Variants in CABP7 observed in about 807,000 individuals in gnomAD.
The protein encoded by CABP7 is calcium binding protein 7.
In CABP7, 13 loss-of-function variants were observed where a neutral mutation model predicts 23.1. The observed-to-expected ratio is 0.56, with a 90% CI of 0.37 to 0.90. CABP7 has a LOEUF of 0.90. CABP7 is among the 40% of genes least tolerant of loss of function. The pLI is 0.01. For missense variants in CABP7, 248 were observed against 295.6 expected (o/e 0.84, Z 1.18); for synonymous variants, 123 against 115.3 (o/e 1.07, Z -0.43).
At position 29,720,068 on chromosome 22, in the gene CABP7, C is replaced by CG. The variant is rs1283681481; in HGVS notation, c.-356dup. 1.8e-4 allele frequency: 27 copies of CG among 148,908 alleles called. No homozygotes were observed. Among genetic ancestry groups the CG allele is most frequent in the Admixed American group, 1.8e-3 (27 of 14,960 alleles). 9.2% of individuals were successfully genotyped at this position (148,908 alleles called of 1,614,324 possible). Reference sequence around the variant, plus strand: ...CTGAGCGCCGGGCCGGTAGCGGCCGCGCCGGCGAGCGGACTAGCGGGCGGC... The same window carrying CG: ...CTGAGCGCCGGGCCGGTAGCGGCCGCGGCCGGCGAGCGGACTAGCGGGCGGC... On this transcript the variant is annotated 5_prime_UTR_variant, in exon 1 of 5. Transcript: ENST00000216144. This position sits in a 1 kb window ranked among gnomAD's most constrained non-coding sequence, Gnocchi z 5.2.
Position 29,720,608 on chromosome 22 carries a change from CG to C in CABP7, c.109+80del. The C allele has an allele frequency of 2.3e-6, 2 of 872,694 alleles. No homozygotes were observed. Among genetic ancestry groups the C allele is most frequent in the South Asian group, 2.0e-5 (1 of 50,104 alleles). The allele number at this position is 872,694 out of a possible 1,614,324, so 54.1% of individuals were successfully genotyped here. A position where few individuals can be genotyped will look rare whatever the true frequency, so the allele number is the denominator to read the frequency against. On this transcript the variant is annotated intron_variant, in intron 1 of 4. Coordinates refer to ENST00000216144, the MANE Select transcript of CABP7 (RefSeq NM_182527.3). The surrounding 1 kb of genome is among the most constrained non-coding windows in gnomAD (Gnocchi z 5.2). ...CCAGGTGAAGCGCGGGCCAGGGGCG[CG>C]GGGGCGGGGGGCGGGGGGCGGTCCG...
rs1156523588 is a variant in CABP7 at position 29,731,492 on chromosome 22, C to G, written c.*1923C>G. On this transcript the variant is annotated 3_prime_UTR_variant, in exon 5 of 5. Coordinates refer to ENST00000216144, the MANE Select transcript of CABP7 (RefSeq NM_182527.3). ...ATGACTTTTCTGGAAGGCAGAGCCTCGAAAATAGGCAGACCGTTTGAGCCA... is the reference window on the plus strand; with the variant it reads ...ATGACTTTTCTGGAAGGCAGAGCCTGGAAAATAGGCAGACCGTTTGAGCCA... 3 of 1,184,390 alleles carry G rather than the reference C, an allele frequency of 2.5e-6. No individual in the cohort carries two copies. The highest frequency in any genetic ancestry group is 3.4e-6 in the Non-Finnish European group (3 of 882,338). 73.4% of individuals were successfully genotyped at this position (1,184,390 alleles called of 1,614,324 possible). A position where few individuals can be genotyped will look rare whatever the true frequency, so the allele number is the denominator to read the frequency against.
At position 29,731,141 on chromosome 22, in the gene CABP7, G is replaced by T; in HGVS notation, c.*1572G>T. On this transcript the variant is annotated 3_prime_UTR_variant, in exon 5 of 5. Transcript: ENST00000216144. ...GGGCAGATGGTCTCGGAGCCTCCAT[G>T]GGGCGTAGCAGGAACCGGGCTTGGC... 1 of 1,383,036 alleles carries T rather than the reference G, an allele frequency of 7.2e-7. No individual in the cohort carries two copies. The allele number at this position is 1,383,036 out of a possible 1,614,324, so 85.7% of individuals were successfully genotyped here. A position where few individuals can be genotyped will look rare whatever the true frequency, so the allele number is the denominator to read the frequency against.
rs776080938 is a variant in CABP7 at position 29,727,796 on chromosome 22, G to A, written c.244G>A (p.Asp82Asn). 5.0e-6 allele frequency: 8 copies of A among 1,608,432 alleles called. No individual in the cohort carries two copies. The African/African-American group carries it at 8.0e-5, about 16-fold the overall frequency. The part of the protein sequence containing the change: ...VELEVIIQRL[D>N]MDGDGQVDFE... ...GCTGGAGGTCATCATCCAGCGGCTGGACATGGATGGTGAGCACCCCCCCGC... is the reference window on the plus strand; with the variant it reads ...GCTGGAGGTCATCATCCAGCGGCTGAACATGGATGGTGAGCACCCCCCCGC... Residue 82 changes from aspartate to asparagine, a missense_variant, in exon 2 of 5, where the codon GAC becomes AAC. Coordinates refer to ENST00000216144, the MANE Select transcript of CABP7 (RefSeq NM_182527.3). The surrounding 1 kb of genome is among the most constrained non-coding windows in gnomAD (Gnocchi z 4.2).
In CABP7 at chr22:29,729,562, T is replaced by A. The variant is rs565605720; in HGVS notation, c.641T>A (p.Met214Lys). Residue 214 changes from methionine (M) to lysine (K), a missense_variant, in exon 5 of 5, where the codon ATG becomes AAG. By Grantham distance (95) the Met-to-Lys change is moderately conservative. Coordinates refer to ENST00000216144, the MANE Select transcript of CABP7 (RefSeq NM_182527.3). ...IAANQVLRSG[M>K]K is the part of the protein sequence containing the mutation. ...GCCAACCAGGTGCTGCGCAGTGGCA[T>A]GAAGTAGACGCCACCTGGATGCCCC... 64 of 1,610,254 alleles carry A rather than the reference T, an allele frequency of 4.0e-5. No individual in the cohort carries two copies. The East Asian group carries it at 1.2e-3, about 31-fold the overall frequency.
rs2067831576 is a variant in CABP7, at chr22:29,730,492, A to T, written c.*923A>T. 6.6e-6 allele frequency: 1 copy of T among 152,322 alleles called. No individual in the cohort carries two copies. Among genetic ancestry groups the T allele is most frequent in the Non-Finnish European group, 1.5e-5 (1 of 68,104 alleles). The allele number at this position is 152,322 out of a possible 1,614,324, so 9.4% of individuals were successfully genotyped here. The stretch of plus-strand genomic sequence containing the variant: ...GGCTGAACTTTGGGAGGGCCCCTGT[A>T]CTACCTCCTGGGCCAAGAAACTGGC... On this transcript the variant is annotated 3_prime_UTR_variant, in exon 5 of 5. Transcript: ENST00000216144.
intron 4 of CABP7, 85 bp downstream of exon 4, chr22:29,729,293 G>A: frequency 6.3e-7 from 1 of 1,578,206 alleles, no homozygotes; most frequent in East Asian, 2.3e-5. Flanking sequence ...CTGCAGAGGG[G>A]GGCTGGGGGC....
chr22:29,728,981 G>A, intron 3 of CABP7, 74 bp from the exon 4 acceptor site: 1 of 1,556,188 alleles, frequency 6.4e-7, no homozygotes, highest in East Asian at 2.3e-5. Flanking sequence ...CCTGTCACCG[G>A]GTCTGTATGG....
rs967961154 is a variant in CABP7, at chr22:29,727,861, G to A, written c.253+56G>A. Reference sequence around the variant, plus strand: ...CTGGCATCTGGGCCCTGGGGGTGGGGCAGGGGCTGGGGCCTGAGCTGCTGA... The same window carrying A: ...CTGGCATCTGGGCCCTGGGGGTGGGACAGGGGCTGGGGCCTGAGCTGCTGA... On this transcript the variant is annotated intron_variant, in intron 2 of 4. Transcript: ENST00000216144. The surrounding 1 kb of genome is among the most constrained non-coding windows in gnomAD (Gnocchi z 4.2). 118 of 1,570,398 alleles carry A rather than the reference G, an allele frequency of 7.5e-5. No individual in the cohort carries two copies. The highest frequency in any genetic ancestry group is 9.3e-5 in the Non-Finnish European group (107 of 1,155,978).
intron 4 of CABP7, 106 bp downstream of exon 4, chr22:29,729,314 G>A: frequency 6.3e-7 from 1 of 1,578,358 alleles, no homozygotes. Context: ...CTCCTTGCCT[G>A]TCCTAAGCCT....
At chr22:29,721,294 A>AGGGCAG (rs1299095420) in intron 1 of CABP7, among the ~76,000 whole-genome samples, 4 of 151,996 alleles carry the variant, frequency 2.6e-5, no homozygotes, top group Non-Finnish European at 5.9e-5. Context: ...GTCAGAGCAG[A>AGGGCAG]GGGCAGGGGC....
intron 1 of CABP7, among the ~76,000 whole-genome samples, chr22:29,726,843 TACAG>T (rs1363057101): frequency 6.6e-6 from 1 of 152,184 alleles, no homozygotes; most frequent in East Asian, 1.9e-4. Context: ...GAGACAGCAG[TACAG>T]CTAAGGTGAC....
At position 29,729,727 on chromosome 22, in the gene CABP7, C is replaced by T. The variant is rs2067825240; in HGVS notation, c.*158C>T. 1 of 929,068 alleles carries T rather than the reference C, an allele frequency of 1.1e-6. No homozygotes were observed. The highest frequency in any genetic ancestry group is 2.7e-5 in the East Asian group (1 of 37,684). The allele number at this position is 929,068 out of a possible 1,614,324, so 57.6% of individuals were successfully genotyped here. A position where few individuals can be genotyped will look rare whatever the true frequency, so the allele number is the denominator to read the frequency against. Reference sequence around the variant, plus strand: ...CGAGCCCTCCCCACCCACCCACGGTCCTCACCTGGAGCTGTGGCCTGGCTG... The same window carrying T: ...CGAGCCCTCCCCACCCACCCACGGTTCTCACCTGGAGCTGTGGCCTGGCTG... On this transcript the variant is annotated 3_prime_UTR_variant, in exon 5 of 5. Transcript: ENST00000216144.
rs146896964 is a variant in CABP7, at chr22:29,727,316, C to T, written c.110-346C>T. Among the ~76,000 whole-genome samples the T allele has an allele frequency of 0.038, 5,680 of 150,028 alleles. 144 individuals are homozygous for T. Among genetic ancestry groups the T allele is most frequent in the Non-Finnish European group, 0.05 (3,362 of 67,454 alleles). ...GGCGGGTGGGGAAGCCGTCAGCAGCCGCGGGGGCCGGGGAGATCCAGCATC... is the reference window on the plus strand; with the variant it reads ...GGCGGGTGGGGAAGCCGTCAGCAGCTGCGGGGGCCGGGGAGATCCAGCATC... On this transcript the variant is annotated intron_variant, in intron 1 of 4. Transcript: ENST00000216144. This position sits in a 1 kb window ranked among gnomAD's most constrained non-coding sequence, Gnocchi z 4.2.
Position 29,720,891 on chromosome 22 carries a change from G to A in CABP7, c.109+358G>A, listed in dbSNP as rs968738834. ...TGAGCCCCCAGCGCCGGCCCGGCCG[G>A]AGCACCCGCATCCTGATCCCCTCCG... On this transcript the variant is annotated intron_variant, in intron 1 of 4. Transcript: ENST00000216144. The surrounding 1 kb of genome is among the most constrained non-coding windows in gnomAD (Gnocchi z 5.2). Among the ~76,000 whole-genome samples the A allele has an allele frequency of 5.3e-5, 8 of 151,742 alleles. No homozygotes were observed. The highest frequency in any genetic ancestry group is 2.9e-5 in the Non-Finnish European group (2 of 67,886).
chr22:29,728,944 G>A, intron 3 of CABP7, 111 bp from the exon 4 acceptor site: 1 of 1,401,260 alleles, frequency 7.1e-7, no homozygotes, highest in South Asian at 1.3e-5. Flanking sequence ...TGGAGCAAGT[G>A]TTTTCCAGCC....
intron 1 of CABP7, among the ~76,000 whole-genome samples, chr22:29,725,783 G>A (rs562688953): frequency 1.4e-5 from 1 of 72,106 alleles, no homozygotes; most frequent in Admixed American, 1.4e-4. Context: ...CCACAGGACC[G>A]AGAGGGCCCC....
At chr22:29,722,040 T>A (rs975281236) in intron 1 of CABP7, among the ~76,000 whole-genome samples, 1 of 151,604 alleles carries the variant, frequency 6.6e-6, no homozygotes, top group African/African-American at 2.4e-5. Flanking sequence ...ACCTCAAACC[T>A]CCTGCAGATT....
chr22:29,729,605 C>A lies in CABP7; in HGVS notation c.*36C>A, dbSNP rs1236170152. ...GATGCCCCATCCACCGCATGCGGTG[C>A]CCGTGGCCCGCCCCACACCACCGCC... On this transcript the variant is annotated 3_prime_UTR_variant, in exon 5 of 5. Coordinates refer to ENST00000216144, the MANE Select transcript of CABP7 (RefSeq NM_182527.3). 1 of 1,600,284 alleles carries A rather than the reference C, an allele frequency of 6.2e-7. No homozygotes were observed. Among genetic ancestry groups the A allele is most frequent in the East Asian group, 2.2e-5 (1 of 44,836 alleles).
Sources: gnomAD v4.1 joint callset for allele counts (sites outside exome capture counted in the v4.1 genomes callset) on GRCh38, gnomAD v4.1.1 for gene constraint, Gnocchi (gnomAD v3.1) non-coding constraint, MANE v1.5 for transcripts, NCBI Gene and HGNC (gene_info 2026-07-23, HGNC 2026-07-21) for gene names.